MYO1E: variants seen among roughly 807,000 people sequenced by gnomAD.
MYO1E encodes the protein unconventional myosin-Ie.
Under a neutral mutation model 151.1 loss-of-function variants are expected in MYO1E, and 68 were observed. That is an observed-to-expected ratio of 0.45 (90% CI 0.37 to 0.55). MYO1E has a LOEUF of 0.55. Among genes scored for constraint, MYO1E ranks in the 20% least tolerant of loss-of-function variants. The pLI, the probability that MYO1E is intolerant of heterozygous loss-of-function variation, is 0.00. For synonymous variants in MYO1E, 601 were observed against 501.7 expected, an observed-to-expected ratio of 1.20 and a Z score of -2.64; for missense variants, 1,363 against 1,389.3, an observed-to-expected ratio of 0.98 and a Z score of 0.30.
At chr15:59,334,066 G>T (rs1439350092) in intron 1 of MYO1E, among the ~76,000 whole-genome samples, 3 of 152,168 alleles carry the variant, frequency 2.0e-5, no homozygotes, top group African/African-American at 7.2e-5. Flanking sequence ...AGACCAAAGT[G>T]GAAGGATCGC....
chr15:59,360,027 A>G (rs1423624766), intron 1 of MYO1E: 1 of 152,218 alleles, frequency 6.6e-6, no homozygotes, highest in Non-Finnish European at 1.5e-5. Context: ...ATTTGCTTCT[A>G]AAGAAACCAG....
At chr15:59,312,199 A>T (rs571714397) in intron 1 of MYO1E, among the ~76,000 whole-genome samples, 1 of 152,326 alleles carries the variant, frequency 6.6e-6, no homozygotes, top group Non-Finnish European at 1.5e-5. Context: ...CGTGTTCACA[A>T]ATCAAATCAG....
intron 19 of MYO1E, 43 bp downstream of exon 19, chr15:59,178,350 C>G: frequency 6.2e-7 from 1 of 1,609,218 alleles, no homozygotes; most frequent in South Asian, 1.1e-5. Context: ...CTGGCGGGGG[C>G]CCCGCGGGAG....
intron 23 of MYO1E, among the ~76,000 whole-genome samples, chr15:59,161,856 GT>G (rs1426901047): frequency 2.6e-5 from 4 of 152,046 alleles, no homozygotes; most frequent in African/African-American, 4.8e-5. Flanking sequence ...TCCTTATTCT[GT>G]TTTTAAGTTA....
intron 26 of MYO1E, among the ~76,000 whole-genome samples, chr15:59,149,248 GGGTTTC>G (rs2079462146): frequency 6.6e-6 from 1 of 151,940 alleles, no homozygotes; most frequent in Non-Finnish European, 1.5e-5. Context: ...AGTGGAGACG[GGGTTTC>G]ACCGTGTTAA....
At chr15:59,292,156 G>C (rs1209252518) in intron 1 of MYO1E, among the ~76,000 whole-genome samples, 1 of 152,096 alleles carries the variant, frequency 6.6e-6, no homozygotes, top group Non-Finnish European at 1.5e-5. Context: ...TAAAGGCAAG[G>C]GGTGATTTTA....
intron 12 of MYO1E, 149 bp downstream of exon 12, chr15:59,214,079 T>C (rs2079898381): frequency 6.3e-6 from 4 of 632,536 alleles, no homozygotes; most frequent in Middle Eastern, 4.2e-4. Context: ...AATGCCACAA[T>C]GGCATATGGT....
chr15:59,141,346 T>A (rs2079407916), intron 26 of MYO1E, among the ~76,000 whole-genome samples: 2 of 152,218 alleles, frequency 1.3e-5, no homozygotes, highest in African/African-American at 4.8e-5. Context: ...ACGTCCCTCA[T>A]ATGAAAGTGT....
chr15:59,217,503 C>A (rs567428547), intron 10 of MYO1E, among the ~76,000 whole-genome samples: 1 of 133,110 alleles, frequency 7.5e-6, no homozygotes, highest in East Asian at 2.5e-4. Flanking sequence ...GAACACAAAA[C>A]CCTCAGTCGT....
chr15:59,150,485 T>C (rs1170545276), intron 26 of MYO1E, among the ~76,000 whole-genome samples: 2 of 152,194 alleles, frequency 1.3e-5, no homozygotes, highest in African/African-American at 4.8e-5. Flanking sequence ...TGGTTTTGCT[T>C]GCCAAAACCA....
chr15:59,359,437 C>G (rs1190864449), intron 1 of MYO1E, among the ~76,000 whole-genome samples: 1 of 151,086 alleles, frequency 6.6e-6, no homozygotes, highest in East Asian at 1.9e-4. Flanking sequence ...TACAGTGAGA[C>G]AAGATCACAC....
At chr15:59,352,285 C>A (rs896291702) in intron 1 of MYO1E, among the ~76,000 whole-genome samples, 7 of 152,168 alleles carry the variant, frequency 4.6e-5, no homozygotes, top group Non-Finnish European at 8.8e-5. Flanking sequence ...ATATTTGGCA[C>A]GTCCCTAACC....
At chr15:59,207,435 C>G (rs1189528656) in intron 14 of MYO1E, 2 of 1,613,948 alleles carry the variant, frequency 1.2e-6, no homozygotes, top group African/African-American at 2.7e-5. Context: ...ATGTGGCCAT[C>G]TTCAAGTTAA....
chr15:59,364,783 T>C (rs762626178), intron 1 of MYO1E, among the ~76,000 whole-genome samples: 3 of 151,916 alleles, frequency 2.0e-5, no homozygotes, highest in Non-Finnish European at 2.9e-5. Flanking sequence ...TGTGTACCTA[T>C]AATCCCAGCT....
intron 26 of MYO1E, among the ~76,000 whole-genome samples, chr15:59,140,896 C>T (rs1596338748): frequency 6.6e-6 from 1 of 152,270 alleles, no homozygotes; most frequent in East Asian, 1.9e-4. Flanking sequence ...CACCCCCCTG[C>T]ACTTTTCTCT....
intron 14 of MYO1E, chr15:59,208,123 G>T: frequency 6.6e-7 from 1 of 1,515,012 alleles, no homozygotes; most frequent in Non-Finnish European, 8.8e-7. Context: ...TTATTGAAGA[G>T]ATCATAGATA....
At chr15:59,353,369 A>AAAAAAAAAAAAAAAG (rs1178465167) in intron 1 of MYO1E, among the ~76,000 whole-genome samples, 2 of 96,852 alleles carry the variant, frequency 2.1e-5, no homozygotes, top group East Asian at 3.0e-4. Flanking sequence ...AAAAAAAAAA[A>AAAAAAAAAAAAAAAG]AAAAGAAAAG....
intron 5 of MYO1E, 101 bp from the exon 6 acceptor site, chr15:59,231,892 T>C (rs528709184): frequency 6.4e-4 from 828 of 1,295,584 alleles, no homozygotes; most frequent in Non-Finnish European, 8.4e-4. Flanking sequence ...TGCATTAAGG[T>C]GAGGGGCCCC....
Position 59,174,592 on chromosome 15 carries a change from A to G in MYO1E, c.2050-352T>C, listed in dbSNP as rs574349544. ...TGATCCAAAGAGTGTATTATTAGGA[A>G]GTCAGATCAAGTGAGTGGGTGGAGG... On this transcript the variant is annotated intron_variant, in intron 19 of 27. Transcript: ENST00000288235. 3.3e-5 allele frequency among the ~76,000 whole-genome samples: 5 copies of G among 152,250 alleles called. No individual in the cohort carries two copies. The East Asian group carries it at 9.7e-4, about 29-fold the overall frequency.
Sources: gnomAD v4.1 joint callset for allele counts (sites outside exome capture counted in the v4.1 genomes callset) on GRCh38, gnomAD v4.1.1 for gene constraint, MANE v1.5 for transcripts, NCBI Gene and HGNC (gene_info 2026-07-23, HGNC 2026-07-21) for gene names.